The following INO80C variants were observed in gnomAD, a reference collection of about 807,000 sequenced individuals.
INO80C encodes IES6 homolog.
In INO80C, 17 loss-of-function variants were observed where a neutral mutation model predicts 17.7. That is an observed-to-expected ratio of 0.96 (90% CI 0.66 to 1.44). INO80C has a LOEUF of 1.44. Ranked by LOEUF, INO80C falls within the 40% of genes most tolerant of loss-of-function variation. The pLI is 0.00. For synonymous variants in INO80C, 96 were observed against 95.8 expected, an observed-to-expected ratio of 1.00 and a Z score of -0.01; for missense variants, 244 against 245.0, an observed-to-expected ratio of 1.00 and a Z score of 0.03.
intron 1 of INO80C, 40 bp downstream of exon 1, chr18:35,497,679 T>A: frequency 1.9e-6 from 3 of 1,591,370 alleles, no homozygotes; most frequent in Non-Finnish European, 2.6e-6. Flanking sequence ...AAGTCCCGTT[T>A]CGCGACGCGC....
intron 1 of INO80C, among the ~76,000 whole-genome samples, chr18:35,496,478 C>T (rs1017033270): frequency 6.6e-6 from 1 of 152,236 alleles, no homozygotes; most frequent in African/African-American, 2.4e-5. Context: ...GAAAATGTCA[C>T]CTGCTCTTAG....
chr18:35,497,696 A>G (rs189576), intron 1 of INO80C, 23 bp downstream of exon 1: 651,447 of 1,600,976 alleles, frequency 0.41, 135,221 homozygotes, highest in East Asian at 0.56. Context: ...GCGCACGCGC[A>G]GCCTGGGAGC....
At chr18:35,497,378 G>A (rs1459295465) in intron 1 of INO80C, 1 of 1,076,348 alleles carries the variant, frequency 9.3e-7, no homozygotes, top group African/African-American at 1.7e-5. Flanking sequence ...TCTGCAGAAT[G>A]GACGAGGGGA....
chr18:35,469,748 A>G (rs957938112), intron 4 of INO80C, among the ~76,000 whole-genome samples: 5 of 152,218 alleles, frequency 3.3e-5, no homozygotes, highest in African/African-American at 1.2e-4. Context: ...AGGGTCCATG[A>G]GACAGGAACC....
At chr18:35,489,461 G>T (rs970448325) in intron 1 of INO80C, 1 of 177,022 alleles carries the variant, frequency 5.6e-6, no homozygotes, top group Admixed American at 6.1e-5. Flanking sequence ...ATCAGATGTT[G>T]TGAGGATTAT....
chr18:35,468,343 G>A lies in INO80C; in HGVS notation c.*268C>T. 7.8e-7 allele frequency: 1 copy of A among 1,277,686 alleles called. No homozygotes were observed. Among genetic ancestry groups the A allele is most frequent in the Non-Finnish European group, 9.9e-7 (1 of 1,005,804 alleles). The allele number at this position is 1,277,686 out of a possible 1,614,324, so 79.1% of individuals were successfully genotyped here. A position where few individuals can be genotyped will look rare whatever the true frequency, so the allele number is the denominator to read the frequency against. On this transcript the variant is annotated 3_prime_UTR_variant, in exon 5 of 5. Coordinates refer to ENST00000334598, the MANE Select transcript of INO80C (RefSeq NM_194281.4). ...TTCAGGGACTTGGGATAAATGAAAA[G>A]TATGGTTTTATTGTATCTTCTTGTC... is the stretch of plus-strand genomic sequence containing the variant.
rs776769309 is a variant in INO80C at position 35,479,394 on chromosome 18, G to A, written c.285C>T (p.Gly95=). 32 of 1,613,112 alleles carry A rather than the reference G, an allele frequency of 2.0e-5. No homozygotes were observed. Among genetic ancestry groups the A allele is most frequent in the East Asian group, 1.8e-4 (8 of 44,866 alleles). Reference sequence around the variant, plus strand: ...TTCTGTTCTTCTTGCCAGCTACTGCGCCACCGTGGCCAGAGTGCTTGAATT... The same window carrying A: ...TTCTGTTCTTCTTGCCAGCTACTGCACCACCGTGGCCAGAGTGCTTGAATT... ...DPNFVHSGHG[G]AVAGKKNRTW... Residue 95 remains glycine (G), a synonymous_variant, in exon 3 of 5, where the codon GGC becomes GGT. Transcript: ENST00000334598.
rs545981249 is a variant in INO80C at position 35,479,688 on chromosome 18, C to G, written c.268-277G>C. On this transcript the variant is annotated intron_variant, in intron 2 of 4. Coordinates refer to ENST00000334598, the MANE Select transcript of INO80C (RefSeq NM_194281.4). ...TTTATATGCACGTAAAAAAAAAAGC[C>G]TTTATTGGGTCTAACTTTGTAGAAT... is the stretch of plus-strand genomic sequence containing the variant. Among the ~76,000 whole-genome samples the G allele has an allele frequency of 3.9e-5, 6 of 152,060 alleles. No homozygotes were observed. In the South Asian group the frequency reaches 1.0e-3, roughly 26 times the overall value.
intron 4 of INO80C, among the ~76,000 whole-genome samples, chr18:35,473,656 C>T (rs2045696978): frequency 6.6e-6 from 1 of 152,038 alleles, no homozygotes; most frequent in Non-Finnish European, 1.5e-5. Flanking sequence ...TGCTGAAGTG[C>T]CAGCCCAGCC....
chr18:35,481,134 A>G (rs1463737211), intron 1 of INO80C, among the ~76,000 whole-genome samples: 1 of 152,236 alleles, frequency 6.6e-6, no homozygotes, highest in Non-Finnish European at 1.5e-5. Flanking sequence ...CTTAAGTGGC[A>G]CAACAGGACA....
rs1267084884 is a variant in INO80C at position 35,497,749 on chromosome 18, C to A, written c.126G>T (p.Lys42Asn). 2 of 1,608,440 alleles carry A rather than the reference C, an allele frequency of 1.2e-6. No homozygotes were observed. The highest frequency in any genetic ancestry group is 1.7e-6 in the Non-Finnish European group (2 of 1,177,598). Residue 42 changes from lysine to asparagine, a missense_variant, in exon 1 of 5, where the codon AAG becomes AAT. By Grantham distance (94) the Lys-to-Asn change is moderately conservative (BLOSUM62 0). Transcript: ENST00000334598. ...SSGGGYGASK[K>N]KKASASSFAQ... The stretch of plus-strand genomic sequence containing the variant: ...CAAAGCTGGAAGCGGACGCTTTTTT[C>A]TTCTTACTGGCGCCATAGCCCCCGC...
Position 35,479,437 on chromosome 18 carries a change from G to A in INO80C, c.268-26C>T, listed in dbSNP as rs201187495. 11 of 1,495,060 alleles carry A rather than the reference G, an allele frequency of 7.4e-6. No homozygotes were observed. In the Admixed American group the frequency reaches 1.3e-4, roughly 18 times the overall value. The allele number at this position is 1,495,060 out of a possible 1,614,324, so 92.6% of individuals were successfully genotyped here. ...CTTGAATTGAAGGCATGGATTAGAA[G>A]AAACAAAAACCAATGGAGACTACCA... On this transcript the variant is annotated intron_variant, in intron 2 of 4. Coordinates refer to ENST00000334598, the MANE Select transcript of INO80C (RefSeq NM_194281.4).
chr18:35,481,777 G>A (rs1170879994), intron 1 of INO80C, among the ~76,000 whole-genome samples: 2 of 152,154 alleles, frequency 1.3e-5, no homozygotes, highest in African/African-American at 2.4e-5. Context: ...CCAGCTACTC[G>A]GGAGGCTGAG....
intron 4 of INO80C, among the ~76,000 whole-genome samples, chr18:35,474,177 G>GTA (rs1473144451): frequency 3.3e-5 from 2 of 61,260 alleles, no homozygotes; most frequent in Non-Finnish European, 3.4e-5. Context: ...ATATATATAT[G>GTA]TATATATATG....
chr18:35,473,013 T>C (rs563184326), intron 4 of INO80C, among the ~76,000 whole-genome samples: 3 of 152,350 alleles, frequency 2.0e-5, no homozygotes, highest in East Asian at 1.9e-4. Flanking sequence ...GACAAGTCCA[T>C]TGCCAATGTC....
chr18:35,469,531 C>T (rs2045644521), intron 4 of INO80C, among the ~76,000 whole-genome samples: 1 of 152,152 alleles, frequency 6.6e-6, no homozygotes, highest in African/African-American at 2.4e-5. Flanking sequence ...ACCCCAACTG[C>T]AGCCCATTTT....
intron 3 of INO80C, chr18:35,479,030 A>C: frequency 3.4e-6 from 1 of 291,222 alleles, no homozygotes; most frequent in South Asian, 9.3e-5. Context: ...TTTGAATAAG[A>C]AGTTTGTCTA....
intron 4 of INO80C, among the ~76,000 whole-genome samples, chr18:35,475,874 C>A (rs926178286): frequency 6.6e-6 from 1 of 151,756 alleles, no homozygotes; most frequent in African/African-American, 2.4e-5. Flanking sequence ...AAAGAAAGTT[C>A]TTTTTTTTCT....
chr18:35,468,828 C>T, intron 4 of INO80C, 86 bp from the exon 5 acceptor site: 2 of 1,216,606 alleles, frequency 1.6e-6, no homozygotes, highest in Non-Finnish European at 2.4e-6. Flanking sequence ...TTTTCTATTT[C>T]ACTGAAAGTG....
Sources: allele counts gnomAD v4.1 joint callset (sites outside exome capture counted in the v4.1 genomes callset), GRCh38; gene constraint gnomAD v4.1.1; transcripts MANE v1.5; gene names NCBI Gene and HGNC (gene_info 2026-07-23, HGNC 2026-07-21).